ZNF394: variants seen among roughly 807,000 people sequenced by gnomAD.
ZNF394 encodes zinc finger protein 394, also known as zinc finger protein 99.
ZNF394 carries 19 observed loss-of-function variants against 21.8 expected under a neutral mutation model. That is an observed-to-expected ratio of 0.87 (90% CI 0.61 to 1.28). The LOEUF is 1.28. Among genes scored for constraint, ZNF394 ranks in the 50% most tolerant of loss-of-function variants. The pLI, the probability that ZNF394 is intolerant of heterozygous loss-of-function variation, is 0.00. For synonymous variants in ZNF394, 294 were observed against 273.3 expected, an observed-to-expected ratio of 1.08 and a Z score of -0.75; for missense variants, 683 against 708.6, an observed-to-expected ratio of 0.96 and a Z score of 0.41.
exon 2 of ZNF394, chr7:99,486,853 T>C (rs1799982951): frequency 1.2e-6 from 2 of 1,614,032 alleles, no homozygotes; most frequent in African/African-American, 1.3e-5. Context: ...GCGTAAGGCA[T>C]GGTTTGATCA....
chr7:99,500,014 T>C lies in ZNF394; in HGVS notation c.80A>G (p.Asp27Gly). ...GPWVMAARSKDAAPSQRDGLL... is the reference protein window; with the variant it reads ...GPWVMAARSKGAAPSQRDGLL... Reference sequence around the variant, plus strand: ...TCCGTCGCGTTGGGACGGCGCCGCGTCCTTGGACCTCGCAGCCATCACCCA... The same window carrying C: ...TCCGTCGCGTTGGGACGGCGCCGCGCCCTTGGACCTCGCAGCCATCACCCA... The change falls in exon 1 of 3, where the codon GAC (aspartate) becomes GGC (glycine). Residue 27 changes from aspartate to glycine, a missense_variant. Physicochemically the swap from Asp to Gly is moderately conservative, Grantham distance 94. Around this residue, in one of 3 missense-constraint regions of ZNF394, gnomAD observed 402 missense variants for 373.8 expected, o/e 1.08. Transcript: ENST00000337673. 6.2e-7 allele frequency: 1 copy of C among 1,607,580 alleles called. No homozygotes were observed. The highest frequency in any genetic ancestry group is 8.5e-7 in the Non-Finnish European group (1 of 1,178,930).
At position 99,500,078 on chromosome 7, in the gene ZNF394, T is replaced by C; in HGVS notation, c.16A>G (p.Thr6Ala). 3 of 1,561,528 alleles carry C rather than the reference T, an allele frequency of 1.9e-6. No homozygotes were observed. The highest frequency in any genetic ancestry group is 1.2e-5 in the South Asian group (1 of 85,540). ...GCGTCACTGCCGCGCCTCTGGGCGG[T>C]CAAGCTGGAATTCATCTTTCTCCGG... is the stretch of plus-strand genomic sequence containing the variant. The part of the protein sequence containing the change: MNSSL[T>A]AQRRGSDAEL... Residue 6 changes from threonine (T) to alanine (A), a missense_variant, in exon 1 of 3, where the codon ACC (threonine) becomes GCC (alanine). Transcript: ENST00000337673.
intron 1 of ZNF394, chr7:99,487,472 G>A: frequency 6.2e-7 from 1 of 1,612,168 alleles, no homozygotes; most frequent in East Asian, 2.2e-5. Flanking sequence ...ACTCACAAAG[G>A]ACAGATATCC....
At position 99,499,058 on chromosome 7, in the gene ZNF394, G is replaced by C. The variant is rs55963144; in HGVS notation, c.457-216C>G. Among the ~76,000 whole-genome samples the C allele has an allele frequency of 4.7e-3, 715 of 152,292 alleles. 7 individuals carry two copies. The highest frequency in any genetic ancestry group is 0.016 in the African/African-American group (658 of 41,562). ...TTTAACTTATATCACTGTGATGTAT[G>C]GGAATGGAAATATGATACAGATTAA... On this transcript the variant is annotated intron_variant, in intron 1 of 2. Coordinates refer to ENST00000337673, the MANE Select transcript of ZNF394 (RefSeq NM_032164.4).
At chr7:99,488,084 A>C (rs968402213) in intron 1 of ZNF394, among the ~76,000 whole-genome samples, 5 of 151,464 alleles carry the variant, frequency 3.3e-5, no homozygotes, top group Non-Finnish European at 5.9e-5. Context: ...AAAAAAAAAA[A>C]AAAAAAAAAC....
At position 99,498,654 on chromosome 7, in the gene ZNF394, G is replaced by A. The variant is rs779329249; in HGVS notation, c.583+62C>T. 2.5e-6 allele frequency: 4 copies of A among 1,607,140 alleles called. No homozygotes were observed. In the African/African-American group the frequency reaches 5.4e-5, roughly 22 times the overall value. ...GGAATGGCATAGTGGCTCAGGGATGGTAGTGAACCAGCCCTTCACAAACCA... is the reference window on the plus strand; with the variant it reads ...GGAATGGCATAGTGGCTCAGGGATGATAGTGAACCAGCCCTTCACAAACCA... On this transcript the variant is annotated intron_variant, in intron 2 of 2. Coordinates refer to ENST00000337673, the MANE Select transcript of ZNF394 (RefSeq NM_032164.4).
Position 99,494,068 on chromosome 7 carries a change from C to A in ZNF394, c.1147G>T (p.Glu383Ter). The A allele has an allele frequency of 6.2e-7, 1 of 1,614,174 alleles. No individual in the cohort carries two copies. Among genetic ancestry groups the A allele is most frequent in the Non-Finnish European group, 8.5e-7 (1 of 1,180,038 alleles). Residue 383 changes from glutamate to a stop codon, truncating the protein, a stop_gained, in exon 3 of 3, where the codon GAG becomes TAG. Transcript: ENST00000337673. LOFTEE classifies it low-confidence loss of function (END_TRUNC). Reference sequence around the variant, plus strand: ...CATTCTTGGCAGCCATAGGGTTTCTCACCTGTGTGGATTCTCTGGTGTCTA... The same window carrying A: ...CATTCTTGGCAGCCATAGGGTTTCTAACCTGTGTGGATTCTCTGGTGTCTA... ...LFRHQRIHTG[E>*]KPYGCQECGK...
chr7:99,499,902 T>C lies in ZNF394; in HGVS notation c.192A>G (p.Arg64=). The C allele has an allele frequency of 6.2e-7, 1 of 1,614,112 alleles. No individual in the cohort carries two copies. The highest frequency in any genetic ancestry group is 1.3e-5 in the African/African-American group (1 of 75,064). The part of the protein sequence containing the change: ...PAASPDPETS[R]LHFRQLRYQE... ...GGTAACGCAGCTGCCTAAAGTGCAG[T>C]CGAGAAGTTTCGGGGTCCGGCGAAG... Residue 64 remains arginine (R), a synonymous_variant, in exon 1 of 3, where the codon CGA becomes CGG. Transcript: ENST00000337673.
downstream of ZNF394, chr7:99,493,210 C>A (rs547428330): frequency 5.8e-5 from 62 of 1,064,776 alleles, no homozygotes; most frequent in South Asian, 1.4e-3. Flanking sequence ...TGGTTCTGGA[C>A]AAGAAAAGAA....
At chr7:99,495,014 A>G (rs1173809402) in intron 2 of ZNF394, among the ~76,000 whole-genome samples, 1 of 150,586 alleles carries the variant, frequency 6.6e-6, no homozygotes, top group Non-Finnish European at 1.5e-5. Context: ...TTTGAGACAG[A>G]GTATTACTCT....
Position 99,493,894 on chromosome 7 carries a change from G to A in ZNF394, c.1321C>T (p.His441Tyr). ...RHQSTHSRDK[H>Y]FKCEECGETC... ...TCCCCGCATTCCTCACATTTAAAAT[G>A]TTTGTCTCTACTGTGGGTACTTTGA... is the stretch of plus-strand genomic sequence containing the variant. The change falls in exon 3 of 3, where the codon CAT (histidine) becomes TAT (tyrosine). Residue 441 changes from histidine (H) to tyrosine (Y), a missense_variant. Physicochemically the swap from His to Tyr is moderately conservative, Grantham distance 83 (BLOSUM62 2). Around this residue, in one of 3 missense-constraint regions of ZNF394, gnomAD observed 274 missense variants for 314.1 expected, o/e 0.87. Transcript: ENST00000337673. The A allele has an allele frequency of 1.9e-6, 3 of 1,614,208 alleles. No individual in the cohort carries two copies. The highest frequency in any genetic ancestry group is 1.3e-5 in the African/African-American group (1 of 75,060).
At chr7:99,497,122 G>GTGTGTGTATATATATATATA (rs1322382800) in intron 2 of ZNF394, among the ~76,000 whole-genome samples, 2 of 79,452 alleles carry the variant, frequency 2.5e-5, no homozygotes, top group African/African-American at 7.4e-5. Context: ...GTGTGTGTGT[G>GTGTGTGTATATATATATATA]TATATATATA....
chr7:99,489,677 T>C (rs1375377031), downstream of ZNF394, among the ~76,000 whole-genome samples: 1 of 152,202 alleles, frequency 6.6e-6, no homozygotes, highest in Non-Finnish European at 1.5e-5. Flanking sequence ...GTGTCAATTA[T>C]GTTCTCTGAG....
chr7:99,498,489 T>C, intron 2 of ZNF394: 1 of 472,442 alleles, frequency 2.1e-6, no homozygotes, highest in East Asian at 4.4e-5. Context: ...GGGATGGTCA[T>C]TATCTTTTTT....
rs761108098 is a variant in ZNF394, at chr7:99,499,844, G to C, written c.250C>G (p.Arg84Gly). The change falls in exon 1 of 3, where the codon CGG (arginine) becomes GGG (glycine). Residue 84 changes from arginine (R) to glycine (G), a missense_variant. This residue lies in a region of ZNF394 where 402 missense variants were observed against 373.8 expected (regional missense o/e 1.08). Transcript: ENST00000337673. ...EVAGPEEALS[R>G]LRELCRRWLR... The stretch of plus-strand genomic sequence containing the variant: ...CACCGACGACAGAGTTCTCGGAGCC[G>C]GCTCAGCGCCTCTTCCGGTCCAGCC... 6.2e-7 allele frequency: 1 copy of C among 1,614,038 alleles called. No individual in the cohort carries two copies. The highest frequency in any genetic ancestry group is 1.7e-5 in the Admixed American group (1 of 60,008).
rs1196375234 is a variant in ZNF394 at position 99,498,783 on chromosome 7, C to T, written c.516G>A (p.Leu172=). ...VSLTWEEWER[L]DPARRDFCRE... is the part of the protein sequence containing the mutation. Reference sequence around the variant, plus strand: ...TGCAGAAGTCCCTCCGTGCTGGGTCCAGGCGCTCCCACTCCTCCCAGGTTA... The same window carrying T: ...TGCAGAAGTCCCTCCGTGCTGGGTCTAGGCGCTCCCACTCCTCCCAGGTTA... The change falls in exon 2 of 3, where the codon CTG becomes CTA. Residue 172 remains leucine, a synonymous_variant. Transcript: ENST00000337673. 1 of 1,614,006 alleles carries T rather than the reference C, an allele frequency of 6.2e-7. No homozygotes were observed. Among genetic ancestry groups the T allele is most frequent in the African/African-American group, 1.3e-5 (1 of 74,924 alleles).
chr7:99,494,333 G>A lies in ZNF394; in HGVS notation c.882C>T (p.Asn294=), dbSNP rs752364676. 5.6e-6 allele frequency: 9 copies of A among 1,614,208 alleles called. No homozygotes were observed. The highest frequency in any genetic ancestry group is 7.6e-6 in the Non-Finnish European group (9 of 1,180,040). The change falls in exon 3 of 3, where the codon AAC becomes AAT. Residue 294 remains asparagine, a synonymous_variant. Coordinates refer to ENST00000337673, the MANE Select transcript of ZNF394 (RefSeq NM_032164.4). ...NELQNSARCS[N]LVLCQHIPKA... ...TCGGGATGTGCTGACATAGAACAAG[G>A]TTGGAACACCTGGCACTGTTCTGCA... is the stretch of plus-strand genomic sequence containing the variant.
chr7:99,500,027 C>T lies in ZNF394; in HGVS notation c.67G>A (p.Ala23Thr). Residue 23 changes from alanine (A) to threonine (T), a missense_variant, in exon 1 of 3, where the codon GCG becomes ACG. Around this residue, in one of 3 missense-constraint regions of ZNF394, gnomAD observed 402 missense variants for 373.8 expected, o/e 1.08. Coordinates refer to ENST00000337673, the MANE Select transcript of ZNF394 (RefSeq NM_032164.4). ...GACGGCGCCGCGTCCTTGGACCTCG[C>T]AGCCATCACCCAGGGTCCCAACTCG... ...DAELGPWVMA[A>T]RSKDAAPSQR... The T allele has an allele frequency of 6.2e-7, 1 of 1,603,650 alleles. No homozygotes were observed.
exon 2 of ZNF394, chr7:99,486,860 A>T (rs1440288163): frequency 6.2e-7 from 1 of 1,614,156 alleles, no homozygotes; most frequent in Non-Finnish European, 8.5e-7. Flanking sequence ...GCATGGTTTG[A>T]TCAACATCAA....
Sources: allele counts gnomAD v4.1 joint callset (sites outside exome capture counted in the v4.1 genomes callset), GRCh38; gene constraint gnomAD v4.1.1; regional missense constraint gnomAD v4.1.1; transcripts MANE v1.5; gene names NCBI Gene and HGNC (gene_info 2026-07-23, HGNC 2026-07-21).